Variants in CDH22 observed in about 807,000 individuals in gnomAD.
The protein encoded by CDH22 is cadherin 22.
In CDH22, 30 loss-of-function variants were observed where a neutral mutation model predicts 58.4. That is an observed-to-expected ratio of 0.51 (90% CI 0.38 to 0.70). The LOEUF is 0.70. Ranked by LOEUF, CDH22 falls within the 30% of genes least tolerant of loss-of-function variation. The pLI is 0.00. For missense variants in CDH22, 1,014 were observed against 1,233.9 expected (o/e 0.82, Z 2.67); for synonymous variants, 513 against 558.2 (o/e 0.92, Z 1.14).
chr20:46,204,255 G>A (rs982430903), intron 7 of CDH22, among the ~76,000 whole-genome samples: 13 of 152,106 alleles, frequency 8.5e-5, no homozygotes, highest in Non-Finnish European at 1.8e-4. Context: ...TTAGCTGGGT[G>A]TGGTGGCATG....
At chr20:46,266,704 C>T (rs1034813994) in intron 1 of CDH22, among the ~76,000 whole-genome samples, 1 of 152,158 alleles carries the variant, frequency 6.6e-6, no homozygotes, top group South Asian at 2.1e-4. Flanking sequence ...TGGCTTTGAT[C>T]CCATAACACT....
intron 1 of CDH22, among the ~76,000 whole-genome samples, chr20:46,266,196 C>T (rs566159478): frequency 7.6e-4 from 115 of 152,312 alleles, no homozygotes; most frequent in African/African-American, 2.6e-3. Context: ...CATCCTGTCT[C>T]TACTGTAGCA....
chr20:46,204,537 T>G (rs2085986230), intron 7 of CDH22, among the ~76,000 whole-genome samples: 1 of 152,192 alleles, frequency 6.6e-6, no homozygotes, highest in African/African-American at 2.4e-5. Flanking sequence ...TACTTTTCTT[T>G]GTTGAGCAAG....
chr20:46,276,914 G>C (rs951465528), intron 1 of CDH22, among the ~76,000 whole-genome samples: 4 of 152,236 alleles, frequency 2.6e-5, no homozygotes, highest in African/African-American at 9.7e-5. Context: ...ATCAAAGCTG[G>C]CAAGAAGTGA....
intron 1 of CDH22, among the ~76,000 whole-genome samples, chr20:46,295,060 G>T (rs1232760036): frequency 1.3e-5 from 2 of 151,944 alleles, no homozygotes; most frequent in East Asian, 3.9e-4. Flanking sequence ...GTCTTTCACT[G>T]CCAGGAAGAG....
chr20:46,249,142 TA>T (rs978271428), intron 2 of CDH22, among the ~76,000 whole-genome samples: 91 of 152,300 alleles, frequency 6.0e-4, no homozygotes, highest in African/African-American at 2.1e-3. Context: ...GTTGGGGCAG[TA>T]AAGTAACTTG....
In CDH22 at chr20:46,174,132, A is replaced by C; in HGVS notation, c.*374T>G. 1 of 281,490 alleles carries C rather than the reference A, an allele frequency of 3.6e-6. No homozygotes were observed. The allele number at this position is 281,490 out of a possible 1,614,324, so 17.4% of individuals were successfully genotyped here. ...CTTTCCTCTTAACTCTGATGGGGGA[A>C]ACCTGGGGTGGGGGCATCTCAGCGG... On this transcript the variant is annotated 3_prime_UTR_variant, in exon 12 of 12. Transcript: ENST00000537909. This position sits in a 1 kb window ranked among gnomAD's most constrained non-coding sequence, Gnocchi z 4.4.
intron 1 of CDH22, among the ~76,000 whole-genome samples, chr20:46,275,503 A>G (rs2086513195): frequency 6.6e-6 from 1 of 152,130 alleles, no homozygotes; most frequent in Non-Finnish European, 1.5e-5. Context: ...CGATTTACTT[A>G]TTTATGATGC....
intron 3 of CDH22, among the ~76,000 whole-genome samples, chr20:46,233,321 G>A (rs1181079315): frequency 6.6e-6 from 1 of 151,482 alleles, no homozygotes; most frequent in East Asian, 1.9e-4. Flanking sequence ...GTGTGTGTGT[G>A]GATCTGCTAT....
At chr20:46,306,046 C>A (rs2086675221) in intron 1 of CDH22, among the ~76,000 whole-genome samples, 1 of 152,256 alleles carries the variant, frequency 6.6e-6, no homozygotes, top group Admixed American at 6.5e-5. Context: ...TTTTAGGGGC[C>A]AAACTTTGTC....
chr20:46,248,961 C>T (rs1281724718), intron 2 of CDH22, among the ~76,000 whole-genome samples: 2 of 152,208 alleles, frequency 1.3e-5, no homozygotes, highest in African/African-American at 4.8e-5. Context: ...ATGATTTCTA[C>T]CTTGCAGTTT....
chr20:46,266,052 C>A (rs564490596), intron 1 of CDH22, among the ~76,000 whole-genome samples: 24 of 152,254 alleles, frequency 1.6e-4, no homozygotes, highest in Admixed American at 1.2e-3. Context: ...TCTCTCCCTA[C>A]CCAGATTTTG....
At chr20:46,175,513 C>T (rs1357633011) in intron 11 of CDH22, among the ~76,000 whole-genome samples, 1 of 152,200 alleles carries the variant, frequency 6.6e-6, no homozygotes, top group Admixed American at 6.5e-5. Flanking sequence ...CTTTCACCCT[C>T]ACCCTCCTCT....
chr20:46,210,684 G>T lies in CDH22; in HGVS notation c.1033-124C>A. ...CACGTTGTCTCAGCAGGGGCGGCAG[G>T]GATGTTTGGGCTGCATTGCAGAACT... On this transcript the variant is annotated intron_variant, in intron 6 of 11. Coordinates refer to ENST00000537909, the MANE Select transcript of CDH22 (RefSeq NM_021248.3). This position sits in a 1 kb window ranked among gnomAD's most constrained non-coding sequence, Gnocchi z 4.5. 2 of 880,134 alleles carry T rather than the reference G, an allele frequency of 2.3e-6. No individual in the cohort carries two copies. Among genetic ancestry groups the T allele is most frequent in the Non-Finnish European group, 3.2e-6 (2 of 631,396 alleles). The allele number at this position is 880,134 out of a possible 1,614,324, so 54.5% of individuals were successfully genotyped here. A position where few individuals can be genotyped will look rare whatever the true frequency, so the allele number is the denominator to read the frequency against.
chr20:46,306,077 G>A (rs959466840), intron 1 of CDH22, among the ~76,000 whole-genome samples: 1 of 152,264 alleles, frequency 6.6e-6, no homozygotes, highest in African/African-American at 2.4e-5. Flanking sequence ...GCTACTCGGC[G>A]TCTCTGCTAA....
intron 7 of CDH22, among the ~76,000 whole-genome samples, chr20:46,205,970 C>T (rs1318591158): frequency 6.6e-6 from 1 of 152,190 alleles, no homozygotes; most frequent in Non-Finnish European, 1.5e-5. Context: ...CCTTTTGGGG[C>T]AAACCTCTGT....
chr20:46,227,533 G>A lies in CDH22; in HGVS notation c.645C>T (p.His215=), dbSNP rs1410716466. 1 of 1,609,398 alleles carries A rather than the reference G, an allele frequency of 6.2e-7. No homozygotes were observed. Among genetic ancestry groups the A allele is most frequent in the Non-Finnish European group, 8.5e-7 (1 of 1,178,956 alleles). ...RLVYSVLDGE[H]HFTVDPKTGV... ...CGGTCTTGGGGTCCACGGTGAAGTG[G>A]TGCTCGCCGTCCAGCACGCTGTACA... Residue 215 remains histidine (H), a synonymous_variant, in exon 4 of 12, where the codon CAC becomes CAT. Coordinates refer to ENST00000537909, the MANE Select transcript of CDH22 (RefSeq NM_021248.3).
intron 10 of CDH22, among the ~76,000 whole-genome samples, chr20:46,180,434 C>A (rs78100775): frequency 1.2e-4 from 18 of 152,168 alleles, no homozygotes; most frequent in African/African-American, 3.6e-4. Context: ...AGCTCTCCCC[C>A]CAAAGGATGC....
At chr20:46,284,903 G>A (rs2086569067) in intron 1 of CDH22, among the ~76,000 whole-genome samples, 1 of 152,166 alleles carries the variant, frequency 6.6e-6, no homozygotes, top group Non-Finnish European at 1.5e-5. Flanking sequence ...TCTGAAAGGT[G>A]TTTGTCCTTC....
Sources: allele counts gnomAD v4.1 joint callset (sites outside exome capture counted in the v4.1 genomes callset), GRCh38; gene constraint gnomAD v4.1.1; non-coding constraint Gnocchi (gnomAD v3.1); transcripts MANE v1.5; gene names NCBI Gene and HGNC (gene_info 2026-07-23, HGNC 2026-07-21).